BCHE: variants seen among roughly 807,000 people sequenced by gnomAD.
BCHE encodes cholinesterase.
BCHE carries 48 observed loss-of-function variants against 51.3 expected under a neutral mutation model. The ratio of observed to expected loss-of-function variants is 0.94; its 90% CI spans 0.74 to 1.19. The LOEUF is 1.19. BCHE is among the 50% of genes most tolerant of loss of function. BCHE has a pLI of 0.00. For synonymous variants in BCHE, 251 were observed against 238.0 expected, an observed-to-expected ratio of 1.05 and a Z score of -0.50; for missense variants, 847 against 708.2, an observed-to-expected ratio of 1.20 and a Z score of -2.23.
chr3:165,816,782 A>G (rs1260383257), intron 2 of BCHE, among the ~76,000 whole-genome samples: 4 of 151,694 alleles, frequency 2.6e-5, no homozygotes, highest in Admixed American at 2.0e-4. Flanking sequence ...TTCTCTCTCT[A>G]CAGTTTTTTC....
intron 2 of BCHE, among the ~76,000 whole-genome samples, chr3:165,806,591 T>C (rs1323948472): frequency 6.6e-6 from 1 of 152,172 alleles, no homozygotes; most frequent in Non-Finnish European, 1.5e-5. Context: ...TGTGAAGTGA[T>C]TATAGTAAAT....
At chr3:165,788,566 TG>T (rs1452442013) in intron 2 of BCHE, among the ~76,000 whole-genome samples, 3 of 152,112 alleles carry the variant, frequency 2.0e-5, no homozygotes, top group African/African-American at 7.2e-5. Context: ...TGCTGGAGGC[TG>T]GATATTAAAC....
intron 3 of BCHE, 32 bp downstream of exon 3, chr3:165,786,113 A>G (rs770874050): frequency 1.1e-4 from 171 of 1,597,394 alleles, no homozygotes; most frequent in Middle Eastern, 1.7e-4. Context: ...CCCATCATCT[A>G]TTAAATAACC....
chr3:165,832,588 G>A lies in BCHE; in HGVS notation c.-8-1547C>T, dbSNP rs1386888103. Among the ~76,000 whole-genome samples the A allele has an allele frequency of 4.6e-5, 7 of 151,982 alleles. No homozygotes were observed. In the East Asian group the frequency reaches 7.7e-4, roughly 17 times the overall value. On this transcript the variant is annotated intron_variant, in intron 1 of 3. Transcript: ENST00000264381. ...ATTACAGGCATGAGCCACCGCGCCC[G>A]GCCATAGAAGAACTAATGTGTTTAT...
intron 2 of BCHE, among the ~76,000 whole-genome samples, chr3:165,795,626 C>A (rs899311827): frequency 6.6e-6 from 1 of 152,090 alleles, no homozygotes; most frequent in African/African-American, 2.4e-5. Context: ...TACCGAAGAA[C>A]AATTCCCTAG....
In BCHE at chr3:165,830,344, A is replaced by G. The variant is rs114127364; in HGVS notation, c.690T>C (p.Ala230=). ...VTLFGESAGA[A]SVSLHLLSPG... is the part of the protein sequence containing the mutation. Reference sequence around the variant, plus strand: ...GAGAAAGCAAATGCAGGCTAACTGAAGCTGCTCCTGCACTTTCTCCAAAGA... The same window carrying G: ...GAGAAAGCAAATGCAGGCTAACTGAGGCTGCTCCTGCACTTTCTCCAAAGA... Residue 230 remains alanine (A), a synonymous_variant, in exon 2 of 4, where the codon GCT becomes GCC. Transcript: ENST00000264381. 3.1e-6 allele frequency: 5 copies of G among 1,613,990 alleles called. No individual in the cohort carries two copies. In the East Asian group the frequency reaches 1.1e-4, roughly 36 times the overall value.
intron 1 of BCHE, among the ~76,000 whole-genome samples, chr3:165,833,702 C>CT (rs35140012): frequency 6.6e-6 from 1 of 152,088 alleles, no homozygotes; most frequent in South Asian, 2.1e-4. Context: ...TGCTTCAGTT[C>CT]TTTTTTCTTT....
intron 1 of BCHE, among the ~76,000 whole-genome samples, chr3:165,834,639 A>G (rs1229464213): frequency 2.0e-5 from 3 of 151,944 alleles, no homozygotes; most frequent in African/African-American, 7.2e-5. Context: ...TTGCCATTAA[A>G]AGACTTTAAA....
intron 1 of BCHE, among the ~76,000 whole-genome samples, chr3:165,832,466 T>C (rs967000072): frequency 6.6e-6 from 1 of 152,014 alleles, no homozygotes; most frequent in Non-Finnish European, 1.5e-5. Flanking sequence ...GTAATTTTTG[T>C]ATTTTAGTAG....
chr3:165,808,393 AATAC>A (rs1487556326), intron 2 of BCHE, among the ~76,000 whole-genome samples: 2 of 152,052 alleles, frequency 1.3e-5, no homozygotes, highest in Admixed American at 6.6e-5. Context: ...TAATATGTCA[AATAC>A]ATACCTAATT....
chr3:165,805,747 C>A (rs1013369329), intron 2 of BCHE, among the ~76,000 whole-genome samples: 3 of 152,056 alleles, frequency 2.0e-5, no homozygotes, highest in Non-Finnish European at 2.9e-5. Flanking sequence ...TGACACATTT[C>A]TTTTTCTAAT....
chr3:165,825,412 C>T (rs1416526662), intron 2 of BCHE, among the ~76,000 whole-genome samples: 1 of 151,836 alleles, frequency 6.6e-6, no homozygotes, highest in East Asian at 1.9e-4. Flanking sequence ...AACCAGTCTT[C>T]ACAAATGTTG....
At chr3:165,796,887 A>C (rs1316848699) in intron 2 of BCHE, among the ~76,000 whole-genome samples, 1 of 152,060 alleles carries the variant, frequency 6.6e-6, no homozygotes, top group Non-Finnish European at 1.5e-5. Context: ...GATCTCTAAG[A>C]TCTTTAGTAC....
intron 2 of BCHE, among the ~76,000 whole-genome samples, chr3:165,820,212 C>T (rs540618132): frequency 1.3e-4 from 19 of 151,966 alleles, no homozygotes; most frequent in African/African-American, 4.1e-4. Context: ...TGGGGGACAT[C>T]GGATTTCTCT....
At chr3:165,780,828 T>A (rs1230180440) in intron 3 of BCHE, among the ~76,000 whole-genome samples, 1 of 152,154 alleles carries the variant, frequency 6.6e-6, no homozygotes, top group East Asian at 1.9e-4. Context: ...ATAAATTAGT[T>A]CAACCATTGT....
chr3:165,793,395 C>T (rs1345339393), intron 2 of BCHE, among the ~76,000 whole-genome samples: 1 of 152,160 alleles, frequency 6.6e-6, no homozygotes, highest in Non-Finnish European at 1.5e-5. Context: ...TTTATCACCT[C>T]ATATTTTTCT....
At position 165,830,691 on chromosome 3, in the gene BCHE, C is replaced by T; in HGVS notation, c.343G>A (p.Asp115Asn). Residue 115 changes from aspartate (D) to asparagine (N), a missense_variant, in exon 2 of 4, where the codon GAC becomes AAC. Asp to Asn is a conservative substitution (Grantham distance 23). Coordinates refer to ENST00000264381, the MANE Select transcript of BCHE (RefSeq NM_000055.4). ...AGATATAAACAGTCTTCACTGAGGTCAGTGTTTGGGTTCCACATCTCTGAT... is the reference window on the plus strand; with the variant it reads ...AGATATAAACAGTCTTCACTGAGGTTAGTGTTTGGGTTCCACATCTCTGAT... ...HGSEMWNPNT[D>N]LSEDCLYLNV... The T allele has an allele frequency of 1.2e-6, 2 of 1,614,028 alleles. No homozygotes were observed. The highest frequency in any genetic ancestry group is 1.7e-6 in the Non-Finnish European group (2 of 1,179,948).
intron 3 of BCHE, among the ~76,000 whole-genome samples, chr3:165,776,309 G>A (rs1219542908): frequency 2.0e-5 from 3 of 151,868 alleles, no homozygotes; most frequent in Non-Finnish European, 4.4e-5. Flanking sequence ...CTAACTCAAT[G>A]TACTTATTGT....
At chr3:165,800,777 T>C (rs1395526103) in intron 2 of BCHE, among the ~76,000 whole-genome samples, 1 of 152,164 alleles carries the variant, frequency 6.6e-6, no homozygotes, top group Non-Finnish European at 1.5e-5. Context: ...AATTGAATTT[T>C]ATTGCCTGAC....
Sources: gnomAD v4.1 joint callset for allele counts (sites outside exome capture counted in the v4.1 genomes callset) on GRCh38, gnomAD v4.1.1 for gene constraint, MANE v1.5 for transcripts, NCBI Gene and HGNC (gene_info 2026-07-23, HGNC 2026-07-21) for gene names.